Variants in PRAMEF18 observed in about 807,000 individuals in gnomAD.
PRAMEF18 encodes the protein PRAME family member 18.
In PRAMEF18, 15 loss-of-function variants were observed where a neutral mutation model predicts 23.7. The ratio of observed to expected loss-of-function variants is 0.63; its 90% CI spans 0.42 to 0.97. PRAMEF18 has a LOEUF of 0.97. Ranked by LOEUF, PRAMEF18 falls within the 50% of genes least tolerant of loss-of-function variation. PRAMEF18 has a pLI of 0.00. For missense variants in PRAMEF18, 223 were observed against 418.6 expected (o/e 0.53, Z 4.08); for synonymous variants, 78 against 159.9 (o/e 0.49, Z 3.86).
chr1:13,226,087 C>T (rs1393825539), exon 1 of PRAMEF18: 20,337 of 1,604,150 alleles, frequency 0.013, no homozygotes, highest in Non-Finnish European at 0.015. Context: ...CAGGAGTCTG[C>T]GTGGGGCCTG....
At chr1:13,225,031 C>G in exon 2 of PRAMEF18, 1 of 1,614,192 alleles carries the variant, frequency 6.2e-7, no homozygotes. Flanking sequence ...GATTCCTCAT[C>G]TGGCTCAGGT....
intron 2 of PRAMEF18, 54 bp downstream of exon 2, chr1:13,224,801 A>G: frequency 6.2e-7 from 1 of 1,612,386 alleles, no homozygotes. Context: ...TGTTTATTGT[A>G]ACAAAAAAAG....
chr1:13,225,022 A>T (rs773124558), exon 2 of PRAMEF18: 11 of 1,614,184 alleles, frequency 6.8e-6, no homozygotes, highest in Non-Finnish European at 1.7e-6. Context: ...GTTTGCGAAG[A>T]TTCCTCATCT....
chr1:13,224,882 A>C, exon 2 of PRAMEF18: 1 of 1,614,054 alleles, frequency 6.2e-7, no homozygotes, highest in Non-Finnish European at 8.5e-7. Flanking sequence ...GTGGCCTCTG[A>C]AGAAGCAGAC....
chr1:13,225,994 G>T lies in PRAMEF18; in HGVS notation c.113C>A (p.Pro38Gln), dbSNP rs878860150. ...GCTAGTGAAGGCCTCCACGAACAGT[G>T]GGGGGAAGAGCTCCCTGGGCAGCTC... is the stretch of plus-strand genomic sequence containing the variant. The change falls in exon 1 of 3, where the codon CCA (proline) becomes CAA (glutamine). Residue 38 changes from proline (P) to glutamine (Q), a missense_variant. Pro to Gln is a moderately conservative substitution (Grantham distance 76). This residue lies in a region of PRAMEF18 where 20 missense variants were observed against 77.1 expected (regional missense o/e 0.26). Transcript: ENST00000624297. 94 of 1,607,936 alleles carry T rather than the reference G, an allele frequency of 5.8e-5. No homozygotes were observed. In the African/African-American group the frequency reaches 1.0e-3, roughly 18 times the overall value.
intron 1 of PRAMEF18, 39 bp downstream of exon 1, chr1:13,225,781 C>T: frequency 3.7e-6 from 6 of 1,612,552 alleles, no homozygotes; most frequent in South Asian, 2.2e-5. Context: ...GCTGTTTAGT[C>T]CCTGGACACC....
intron 2 of PRAMEF18, 70 bp downstream of exon 2, chr1:13,224,785 G>C: frequency 5.0e-6 from 8 of 1,610,438 alleles, no homozygotes; most frequent in African/African-American, 1.3e-5. Flanking sequence ...AGTAGATGCT[G>C]ATTGGTGTTT....
chr1:13,225,049 A>G, exon 2 of PRAMEF18: 1 of 1,614,194 alleles, frequency 6.2e-7, no homozygotes. Context: ...GGTAACGGCT[A>G]AACTCTACTA....
exon 1 of PRAMEF18, chr1:13,225,948 C>T (rs1337073701): frequency 6.2e-7 from 1 of 1,614,318 alleles, no homozygotes. Flanking sequence ...GCACCATCAC[C>T]TTCAGAACCT....
At chr1:13,224,579 G>T in intron 2 of PRAMEF18, 1 of 606,952 alleles carries the variant, frequency 1.6e-6, no homozygotes, top group South Asian at 2.4e-5. Context: ...TTCCTAAAAG[G>T]AATTCACCCT....
At chr1:13,225,635 G>GC (rs1327942026) in intron 1 of PRAMEF18, 185 bp downstream of exon 1, 1 of 1,198,694 alleles carries the variant, frequency 8.3e-7, no homozygotes, top group Non-Finnish European at 1.2e-6. Flanking sequence ...GCAGGTTCCT[G>GC]TTTCCTCAGT....
At chr1:13,224,988 AACG>A in exon 2 of PRAMEF18, 1 of 1,614,142 alleles carries the variant, frequency 6.2e-7, no homozygotes, top group East Asian at 2.2e-5. Flanking sequence ...CTTAGCAGGT[AACG>A]ACAGCCATCA....
rs1553188509 is a variant in PRAMEF18, at chr1:13,224,939, G to A, written c.782C>T (p.Ser261Phe). 5.9e-5 allele frequency: 96 copies of A among 1,613,972 alleles called. No homozygotes were observed. The South Asian group carries it at 9.2e-4, about 16-fold the overall frequency. Residue 261 changes from serine (S) to phenylalanine (F), a missense_variant, in exon 2 of 3, where the codon TCT becomes TTT. Ser to Phe is a radical substitution (Grantham distance 155). Transcript: ENST00000624297. ...GAGGTTCTCCAGCCTGAGGAGCACA[G>A]AGCTGAATTCAGCAACTAACTGTTC...
chr1:13,226,130 A>G, upstream of PRAMEF18: 6 of 1,611,900 alleles, frequency 3.7e-6, no homozygotes, highest in Non-Finnish European at 5.1e-6. Flanking sequence ...CAAGAAAACA[A>G]ATCCAGAGAA....
In PRAMEF18 at chr1:13,224,572, C is replaced by A. The variant is rs528725941; in HGVS notation, c.866+283G>T. 4,374 of 570,966 alleles carry A rather than the reference C, an allele frequency of 7.7e-3. 1 individual carries two copies. The highest frequency in any genetic ancestry group is 0.073 in the African/African-American group (3,830 of 52,254). 35.4% of individuals were successfully genotyped at this position (570,966 alleles called of 1,614,324 possible). The stretch of plus-strand genomic sequence containing the variant: ...AAACACACTTCCTAACAAGGAATTC[C>A]TAAAAGGAATTCACCCTCACTAGAG... On this transcript the variant is annotated intron_variant, in intron 2 of 2. Coordinates refer to ENST00000624297, the Ensembl canonical transcript of PRAMEF18.
At chr1:13,224,765 G>T in intron 2 of PRAMEF18, 90 bp downstream of exon 2, 1 of 1,600,574 alleles carries the variant, frequency 6.2e-7, no homozygotes, top group Non-Finnish European at 8.5e-7. Flanking sequence ...ATCTCCAGTG[G>T]CTGGCACACA....
At chr1:13,224,823 G>T (rs879036827) in intron 2 of PRAMEF18, 32 bp downstream of exon 2, 23 of 1,613,376 alleles carry the variant, frequency 1.4e-5, no homozygotes, top group African/African-American at 1.2e-4. Flanking sequence ...CTGTGCTATG[G>T]CCCCCAGAGA....
intron 1 of PRAMEF18, 66 bp downstream of exon 1, chr1:13,225,754 C>A: frequency 6.2e-7 from 1 of 1,612,388 alleles, no homozygotes; most frequent in Non-Finnish European, 8.5e-7. Flanking sequence ...CCCCGGGTTC[C>A]CAATTTGTCT....
intron 2 of PRAMEF18, chr1:13,224,476 C>T (rs1323031749): frequency 7.7e-5 from 25 of 324,062 alleles, no homozygotes; most frequent in Admixed American, 1.4e-4. Flanking sequence ...CTGTGAAACA[C>T]ACAGGTTTGG....
Sources: allele counts gnomAD v4.1 joint callset, GRCh38; gene constraint gnomAD v4.1.1; regional missense constraint gnomAD v4.1.1; transcripts MANE v1.5; gene names NCBI Gene and HGNC (gene_info 2026-07-23, HGNC 2026-07-21).